The following SAP130 variants were observed in gnomAD, a reference collection of about 807,000 sequenced individuals.
SAP130 encodes the protein histone deacetylase complex subunit SAP130.
Under a neutral mutation model 103.2 loss-of-function variants are expected in SAP130, and 16 were observed. The ratio of observed to expected loss-of-function variants is 0.16; its 90% CI spans 0.10 to 0.24. The LOEUF is 0.24. Among genes scored for constraint, SAP130 ranks in the 10% least tolerant of loss-of-function variants. SAP130 has a pLI of 1.00. For missense variants in SAP130, 990 were observed against 1,359.7 expected (o/e 0.73, Z 4.28); for synonymous variants, 477 against 497.0 (o/e 0.96, Z 0.53).
chr2:127,972,419 T>C (rs1681155675), intron 15 of SAP130, among the ~76,000 whole-genome samples: 1 of 152,180 alleles, frequency 6.6e-6, no homozygotes, highest in South Asian at 2.1e-4. Flanking sequence ...AAGACCAGCC[T>C]GGGCTACACA....
chr2:127,972,874 A>G (rs1324647208), intron 15 of SAP130, among the ~76,000 whole-genome samples: 1 of 152,140 alleles, frequency 6.6e-6, no homozygotes, highest in Non-Finnish European at 1.5e-5. Context: ...TCAAGGCTGC[A>G]GTGAGCTATG....
At chr2:127,984,256 A>G (rs1357750850) in intron 14 of SAP130, among the ~76,000 whole-genome samples, 2 of 152,092 alleles carry the variant, frequency 1.3e-5, no homozygotes, top group African/African-American at 4.8e-5. Flanking sequence ...TTGTGGATGC[A>G]ACCTTTTCTT....
chr2:127,969,828 C>T (rs2104863686), intron 15 of SAP130, among the ~76,000 whole-genome samples: 1 of 152,312 alleles, frequency 6.6e-6, no homozygotes, highest in African/African-American at 2.4e-5. Context: ...GGTATGGTGG[C>T]TCATGCCTGT....
At chr2:127,981,560 CT>C (rs1312182118) in intron 14 of SAP130, among the ~76,000 whole-genome samples, 6 of 65,892 alleles carry the variant, frequency 9.1e-5, no homozygotes, top group Admixed American at 1.6e-4. Context: ...TCCTGCACCC[CT>C]GACTCAGCTC....
At chr2:128,005,608 A>C (rs1284804861) in intron 7 of SAP130, among the ~76,000 whole-genome samples, 2 of 152,106 alleles carry the variant, frequency 1.3e-5, no homozygotes, top group Admixed American at 6.5e-5. Context: ...CTAGGTCTCA[A>C]AAGAAAAAAA....
intron 4 of SAP130, among the ~76,000 whole-genome samples, 195 bp downstream of exon 4, chr2:128,016,194 A>G (rs564092737): frequency 2.6e-5 from 4 of 152,198 alleles, no homozygotes; most frequent in African/African-American, 9.6e-5. Context: ...TAGCTAAATG[A>G]CCACTATGGA....
At chr2:127,947,526 T>C (rs1234548669) in intron 18 of SAP130, among the ~76,000 whole-genome samples, 1 of 152,236 alleles carries the variant, frequency 6.6e-6, no homozygotes, top group East Asian at 1.9e-4. Flanking sequence ...GTTGATAGCA[T>C]GAAAATATTG....
At chr2:127,962,701 G>A (rs1349915964) in intron 15 of SAP130, among the ~76,000 whole-genome samples, 1 of 148,676 alleles carries the variant, frequency 6.7e-6, no homozygotes, top group Non-Finnish European at 1.5e-5. Flanking sequence ...ACACAGGAAG[G>A]GGAACATCAC....
At chr2:127,994,625 T>C (rs1325248310) in intron 11 of SAP130, among the ~76,000 whole-genome samples, 3 of 151,612 alleles carry the variant, frequency 2.0e-5, no homozygotes, top group Admixed American at 2.0e-4. Flanking sequence ...CAGGCATGAT[T>C]GCATGTGCCT....
At chr2:128,019,425 A>G (rs6430969) in intron 2 of SAP130, among the ~76,000 whole-genome samples, 92,867 of 151,938 alleles carry the variant, frequency 0.61, 30,863 homozygotes, top group African/African-American at 0.89. Flanking sequence ...ATGCCACCAC[A>G]CCTGGCTAAT....
intron 2 of SAP130, among the ~76,000 whole-genome samples, chr2:128,020,094 C>A (rs1685050584): frequency 6.6e-6 from 1 of 152,060 alleles, no homozygotes; most frequent in Admixed American, 6.6e-5. Flanking sequence ...ACAAAGGCAC[C>A]AACACTTAAA....
chr2:127,961,026 G>C (rs1289394883), intron 15 of SAP130, among the ~76,000 whole-genome samples: 1 of 141,474 alleles, frequency 7.1e-6, no homozygotes, highest in East Asian at 2.0e-4. Flanking sequence ...GGGTCTGGCT[G>C]TCGCCCAGAC....
At chr2:128,004,361 C>CTTTT (rs71935874) in intron 7 of SAP130, among the ~76,000 whole-genome samples, 7 of 75,996 alleles carry the variant, frequency 9.2e-5, no homozygotes, top group African/African-American at 1.8e-4. Flanking sequence ...GCTTTCTTTC[C>CTTTT]TTTTTTTTTT....
intron 15 of SAP130, among the ~76,000 whole-genome samples, chr2:127,962,182 A>G (rs934769625): frequency 1.3e-5 from 2 of 152,222 alleles, no homozygotes; most frequent in Admixed American, 6.5e-5. Flanking sequence ...TTCCAACAGC[A>G]TATTTCAAAC....
At chr2:127,990,988 C>G (rs368865022) in intron 12 of SAP130, among the ~76,000 whole-genome samples, 7 of 150,884 alleles carry the variant, frequency 4.6e-5, no homozygotes, top group African/African-American at 1.7e-4. Context: ...CGGTGGCTCA[C>G]GCCTGTGATC....
At chr2:127,990,322 GT>G (rs1456393513) in intron 12 of SAP130, among the ~76,000 whole-genome samples, 1 of 151,358 alleles carries the variant, frequency 6.6e-6, no homozygotes, top group Non-Finnish European at 1.5e-5. Flanking sequence ...CAAGTGTCCT[GT>G]GTCTTACAAG....
chr2:128,006,453 C>G (rs1045341387), intron 7 of SAP130, among the ~76,000 whole-genome samples: 1 of 152,254 alleles, frequency 6.6e-6, no homozygotes, highest in South Asian at 2.1e-4. Context: ...ACTGATTTAT[C>G]TGGCCCCTTT....
intron 1 of SAP130, chr2:128,027,398 C>T: frequency 8.8e-7 from 1 of 1,137,002 alleles, no homozygotes; most frequent in Non-Finnish European, 1.1e-6. Flanking sequence ...CGTTCAGAGC[C>T]CGCCCCACCC....
intron 2 of SAP130, among the ~76,000 whole-genome samples, chr2:128,021,068 G>A (rs1485356242): frequency 6.6e-6 from 1 of 152,070 alleles, no homozygotes; most frequent in African/African-American, 2.4e-5. Flanking sequence ...TGGGCTTTTA[G>A]GTTATTTCCA....
Sources: allele counts gnomAD v4.1 joint callset (sites outside exome capture counted in the v4.1 genomes callset), GRCh38; gene constraint gnomAD v4.1.1; transcripts MANE v1.5; gene names NCBI Gene and HGNC (gene_info 2026-07-23, HGNC 2026-07-21).